Variants in B9D1 observed in about 807,000 individuals in gnomAD.
The protein encoded by B9D1 is B9 domain containing 1.
A neutral mutation model predicts 26.1 loss-of-function variants in B9D1; 20 were observed. That is an observed-to-expected ratio of 0.77 (90% CI 0.54 to 1.12). B9D1 has a LOEUF of 1.12. Ranked by LOEUF, B9D1 falls within the 50% of genes most tolerant of loss-of-function variation. The pLI, the probability that B9D1 is intolerant of heterozygous loss-of-function variation, is 0.00. For synonymous variants in B9D1, 105 were observed against 103.1 expected (o/e 1.02, Z -0.11); for missense variants, 260 against 273.7 (o/e 0.95, Z 0.35).
At chr17:19,343,077 A>G (rs1908161298), downstream of B9D1, 5 of 1,404,216 alleles carry the variant, frequency 3.6e-6, no homozygotes, top group Non-Finnish European at 4.6e-6. Flanking sequence ...GGGTAGGGAC[A>G]GGGAGAGCCC....
At chr17:19,376,134 A>G (rs1398204465) in intron 1 of B9D1, among the ~76,000 whole-genome samples, 2 of 152,220 alleles carry the variant, frequency 1.3e-5, no homozygotes, top group African/African-American at 4.8e-5. Context: ...GTGTGATTCC[A>G]TTAGTATAGA....
chr17:19,347,661 G>A lies in B9D1; in HGVS notation c.341+123C>T. 6.2e-6 allele frequency: 6 copies of A among 972,444 alleles called. No homozygotes were observed. Among genetic ancestry groups the A allele is most frequent in the Non-Finnish European group, 9.6e-6 (6 of 627,710 alleles). 60.2% of individuals were successfully genotyped at this position (972,444 alleles called of 1,614,324 possible). A position where few individuals can be genotyped will look rare whatever the true frequency, so the allele number is the denominator to read the frequency against. On this transcript the variant is annotated intron_variant, in intron 4 of 6. Coordinates refer to ENST00000261499, the MANE Select transcript of B9D1 (RefSeq NM_015681.6). The surrounding 1 kb of genome is among the most constrained non-coding windows in gnomAD (Gnocchi z 4.3). ...AGGCTACAACCCCCCTGGCCACCAG[G>A]CTGAGCTGCCCAGGCCCCTGGAGAC...
At chr17:19,341,373 C>CTT (rs1459342827), downstream of B9D1, 1 of 1,207,246 alleles carries the variant, frequency 8.3e-7, no homozygotes. Context: ...GGGTGCTGGG[C>CTT]TTTTGCTCTG....
chr17:19,343,061 C>T, downstream of B9D1: 1 of 1,381,818 alleles, frequency 7.2e-7, no homozygotes, highest in Non-Finnish European at 9.4e-7. Flanking sequence ...GCTTCCACGG[C>T]ACAAGGGGTA....
At chr17:19,348,585 T>C (rs1598060180) in intron 3 of B9D1, among the ~76,000 whole-genome samples, 1 of 152,214 alleles carries the variant, frequency 6.6e-6, no homozygotes, top group Middle Eastern at 3.2e-3. Context: ...TAGTGAGTGC[T>C]CAGTAAATGT....
chr17:19,346,321 C>T (rs566327642), intron 5 of B9D1, among the ~76,000 whole-genome samples: 77 of 152,360 alleles, frequency 5.1e-4, no homozygotes, highest in African/African-American at 1.6e-3. Context: ...CTCCCCTCCA[C>T]GGCTCTCAGA....
At chr17:19,350,028 C>T (rs1376709547) in intron 3 of B9D1, among the ~76,000 whole-genome samples, 3 of 151,640 alleles carry the variant, frequency 2.0e-5, no homozygotes, top group South Asian at 2.1e-4. Context: ...AGGAGAATGG[C>T]GTGAACCCGG....
At chr17:19,352,982 CTT>C (rs936160102) in intron 3 of B9D1, among the ~76,000 whole-genome samples, 2 of 142,338 alleles carry the variant, frequency 1.4e-5, no homozygotes, top group African/African-American at 2.6e-5. Context: ...TTTACTACTT[CTT>C]TTTTTTTTTT....
chr17:19,348,605 G>A (rs1598060251), intron 3 of B9D1, among the ~76,000 whole-genome samples: 1 of 152,182 alleles, frequency 6.6e-6, no homozygotes, highest in East Asian at 1.9e-4. Flanking sequence ...TTAGGGAGAG[G>A]TTTGTGCCCT....
At chr17:19,354,560 T>C (rs1340141403) in intron 3 of B9D1, among the ~76,000 whole-genome samples, 5 of 152,248 alleles carry the variant, frequency 3.3e-5, no homozygotes, top group African/African-American at 4.8e-5. Flanking sequence ...CTGGGTGCAG[T>C]GGCTCATGCC....
chr17:19,367,838 C>T (rs775487503), intron 1 of B9D1, among the ~76,000 whole-genome samples: 2 of 152,346 alleles, frequency 1.3e-5, no homozygotes, highest in Non-Finnish European at 2.9e-5. Context: ...TTGGTCACAG[C>T]CCTTCCACAC....
chr17:19,369,962 C>T (rs1326395649), intron 1 of B9D1, among the ~76,000 whole-genome samples: 5 of 152,200 alleles, frequency 3.3e-5, no homozygotes, highest in African/African-American at 1.2e-4. Flanking sequence ...ACACCCGCCC[C>T]TCCGTCATTT....
chr17:19,335,268 T>G (rs1907350846), downstream of B9D1: 1 of 817,928 alleles, frequency 1.2e-6, no homozygotes, highest in Non-Finnish European at 1.8e-6. Flanking sequence ...ACTGATTGAC[T>G]TTCAGCCTTT....
chr17:19,338,681 TGTC>T (rs1156547991), downstream of B9D1, among the ~76,000 whole-genome samples: 2 of 152,166 alleles, frequency 1.3e-5, no homozygotes, highest in East Asian at 1.9e-4. Flanking sequence ...GCAGCCCACA[TGTC>T]GTACTATGAG....
downstream of B9D1, chr17:19,337,873 G>T (rs74502103): frequency 7.7e-3 from 4,660 of 607,624 alleles, 651 homozygotes; most frequent in East Asian, 0.11. Context: ...TGTGGGGTGG[G>T]TGGGGATGGG....
At chr17:19,348,158 C>G (rs1404676047) in intron 3 of B9D1, among the ~76,000 whole-genome samples, 3 of 152,146 alleles carry the variant, frequency 2.0e-5, no homozygotes, top group South Asian at 4.1e-4. Flanking sequence ...ACTCCATGTA[C>G]AAGGAGGCAC....
intron 1 of B9D1, among the ~76,000 whole-genome samples, chr17:19,369,699 A>G (rs1175345585): frequency 6.6e-6 from 1 of 152,188 alleles, no homozygotes; most frequent in African/African-American, 2.4e-5. Context: ...GGATGCATGC[A>G]CTACTCGGGA....
rs73980038 is a variant in B9D1 at position 19,357,903 on chromosome 17, G to A, written c.181C>T (p.Arg61Trp). 2,943 of 1,614,102 alleles carry A rather than the reference G, an allele frequency of 1.8e-3. 48 individuals carry two copies. The African/African-American group carries it at 0.035, about 19-fold the overall frequency. ...SQITSKSQDV[R>W]QALVWNFPID... ...GGGAAGTTCCACACCAGTGCTTGCC[G>A]CACATCTTGGCTCTTGGATGTGATC... The change falls in exon 3 of 7, where the codon CGG becomes TGG. Residue 61 changes from arginine (R) to tryptophan (W), a missense_variant. Transcript: ENST00000261499.
intron 6 of B9D1, 142 bp from the exon 7 acceptor site, chr17:19,343,603 G>C (rs867785632): frequency 6.4e-7 from 1 of 1,572,310 alleles, no homozygotes. Context: ...GGGAGGTAAA[G>C]GGGCTGCCGG....
Sources: allele counts gnomAD v4.1 joint callset (sites outside exome capture counted in the v4.1 genomes callset), GRCh38; gene constraint gnomAD v4.1.1; non-coding constraint Gnocchi (gnomAD v3.1); transcripts MANE v1.5; gene names NCBI Gene and HGNC (gene_info 2026-07-23, HGNC 2026-07-21).